The following PDE1B variants were observed in gnomAD, a reference collection of about 807,000 sequenced individuals.
PDE1B encodes the protein phosphodiesterase 1B.
Under a neutral mutation model 66.7 loss-of-function variants are expected in PDE1B, and 13 were observed. The observed-to-expected ratio is 0.19, with a 90% confidence interval of 0.13 to 0.31. The LOEUF (loss-of-function observed/expected upper bound fraction) is 0.31. PDE1B is among the 10% of genes least tolerant of loss of function. The probability of loss-of-function intolerance (pLI) is 1.00; values close to 1 mark genes in which losing one functional copy is unlikely to be tolerated. For synonymous variants in PDE1B, 230 were observed against 253.9 expected (o/e 0.91, Z 0.90); for missense variants, 485 against 682.3 (o/e 0.71, Z 3.22).
In PDE1B at chr12:54,575,644, C is replaced by G; in HGVS notation, c.1267+12C>G. On this transcript the variant is annotated intron_variant, in intron 12 of 15. Coordinates refer to ENST00000243052, the MANE Select transcript of PDE1B (RefSeq NM_000924.4). This position sits in a 1 kb window ranked among gnomAD's most constrained non-coding sequence, Gnocchi z 4.0. Reference sequence around the variant, plus strand: ...ACAGTCTCAGATAGGTGAGTGTCCTCTCCTGCAGGAAGGGGAGGACTGGGA... The same window carrying G: ...ACAGTCTCAGATAGGTGAGTGTCCTGTCCTGCAGGAAGGGGAGGACTGGGA... The G allele has an allele frequency of 6.3e-7, 1 of 1,583,240 alleles. No individual in the cohort carries two copies. The highest frequency in any genetic ancestry group is 8.7e-7 in the Non-Finnish European group (1 of 1,153,878).
At chr12:54,576,306 T>C (rs1957744337) in intron 13 of PDE1B, 4 of 603,700 alleles carry the variant, frequency 6.6e-6, no homozygotes, top group Non-Finnish European at 8.8e-6. Context: ...TTCACCATAT[T>C]TTTGTTTCTT....
At chr12:54,559,961 C>A (rs762513549) in intron 2 of PDE1B, among the ~76,000 whole-genome samples, 1 of 152,178 alleles carries the variant, frequency 6.6e-6, no homozygotes, top group Non-Finnish European at 1.5e-5. Flanking sequence ...CATTCAGGGT[C>A]TCTGACACTG....
At position 54,567,231 on chromosome 12, in the gene PDE1B, G is replaced by A. The variant is rs1051562217; in HGVS notation, c.227+144G>A. 3.6e-5 allele frequency: 18 copies of A among 504,004 alleles called. 1 individual carries two copies. Among genetic ancestry groups the A allele is most frequent in the Middle Eastern group, 6.0e-4 (2 of 3,310 alleles). 31.2% of individuals were successfully genotyped at this position (504,004 alleles called of 1,614,324 possible). On this transcript the variant is annotated intron_variant, in intron 3 of 15. Transcript: ENST00000243052. ...GTGGACCAGATATAAAGAGCTCTAG[G>A]TAGTGGCTCACACCTGTAATCCTAG...
At chr12:54,565,035 A>T (rs1212782857) in intron 2 of PDE1B, among the ~76,000 whole-genome samples, 4 of 152,254 alleles carry the variant, frequency 2.6e-5, no homozygotes, top group Admixed American at 6.5e-5. Flanking sequence ...TTAAAAATGT[A>T]GAACTGGCAG....
In PDE1B at chr12:54,569,105, G is replaced by T; in HGVS notation, c.228-79G>T. 6.7e-7 allele frequency: 1 copy of T among 1,495,634 alleles called. No homozygotes were observed. The highest frequency in any genetic ancestry group is 8.9e-7 in the Non-Finnish European group (1 of 1,121,774). 92.6% of individuals were successfully genotyped at this position (1,495,634 alleles called of 1,614,324 possible). On this transcript the variant is annotated intron_variant, in intron 3 of 15. Transcript: ENST00000243052. The surrounding 1 kb of genome is among the most constrained non-coding windows in gnomAD (Gnocchi z 4.4). ...CTGGCATGAGAGTTACTAAATGTGG[G>T]GTATGGCTGGGTACAGGGTCTCTAG...
chr12:54,550,910 A>G (rs1036470985), intron 2 of PDE1B, among the ~76,000 whole-genome samples: 2 of 152,194 alleles, frequency 1.3e-5, no homozygotes, highest in African/African-American at 4.8e-5. Context: ...GCCATGCACC[A>G]TGTTTATCTC....
At position 54,573,601 on chromosome 12, in the gene PDE1B, C is replaced by A; in HGVS notation, c.963-7C>A. ...GACTGATTGCTTCTCTTTTTATGTC[C>A]GCTCAGAGAACTCCGAGCCCTGGTC... is the stretch of plus-strand genomic sequence containing the variant. On this transcript the variant is annotated splice_polypyrimidine_tract_variant and splice_region_variant and intron_variant, in intron 9 of 15. Coordinates refer to ENST00000243052, the MANE Select transcript of PDE1B (RefSeq NM_000924.4). This position sits in a 1 kb window ranked among gnomAD's most constrained non-coding sequence, Gnocchi z 5.2. The A allele has an allele frequency of 6.2e-7, 1 of 1,613,002 alleles. No homozygotes were observed. The highest frequency in any genetic ancestry group is 8.5e-7 in the Non-Finnish European group (1 of 1,178,980).
intron 2 of PDE1B, among the ~76,000 whole-genome samples, chr12:54,551,796 C>A (rs527878658): frequency 6.6e-6 from 1 of 152,120 alleles, no homozygotes; most frequent in Non-Finnish European, 1.5e-5. Context: ...AGGCATGAAA[C>A]CTGGGAAGAG....
chr12:54,553,094 A>G (rs566009453), intron 2 of PDE1B, among the ~76,000 whole-genome samples: 20 of 152,306 alleles, frequency 1.3e-4, no homozygotes, highest in African/African-American at 4.3e-4. Context: ...CCCTCTTCCT[A>G]CAGAGCTTGT....
At position 54,569,063 on chromosome 12, in the gene PDE1B, G is replaced by T; in HGVS notation, c.228-121G>T. 6.9e-7 allele frequency: 1 copy of T among 1,450,870 alleles called. No homozygotes were observed. Among genetic ancestry groups the T allele is most frequent in the South Asian group, 1.6e-5 (1 of 61,376 alleles). The allele number at this position is 1,450,870 out of a possible 1,614,324, so 89.9% of individuals were successfully genotyped here. The stretch of plus-strand genomic sequence containing the variant: ...AAGATATAGAGAAAGAAAGGAAACA[G>T]GGTTGAAGACAGAGAGCTGGCATGA... On this transcript the variant is annotated intron_variant, in intron 3 of 15. Coordinates refer to ENST00000243052, the MANE Select transcript of PDE1B (RefSeq NM_000924.4). The surrounding 1 kb of genome is among the most constrained non-coding windows in gnomAD (Gnocchi z 4.4).
intron 2 of PDE1B, among the ~76,000 whole-genome samples, chr12:54,559,268 C>T (rs573555994): frequency 0.013 from 2,016 of 149,596 alleles, 44 homozygotes; most frequent in African/African-American, 0.048. Context: ...ACCCCCACCC[C>T]TTTTCTCTTA....
At chr12:54,576,545 G>A in intron 13 of PDE1B, 26 bp from the exon 14 acceptor site, 1 of 1,613,876 alleles carries the variant, frequency 6.2e-7, no homozygotes, top group Non-Finnish European at 8.5e-7. Context: ...CTTACCTCTT[G>A]CGGCTTTTGG....
chr12:54,576,107 G>T lies in PDE1B; in HGVS notation c.1376+7G>T. The T allele has an allele frequency of 6.5e-7, 1 of 1,549,824 alleles. No homozygotes were observed. Among genetic ancestry groups the T allele is most frequent in the South Asian group, 1.1e-5 (1 of 89,868 alleles). ...AGTCTAAAAACCAGCCCAGGTGAGG[G>T]TGGCTGGGGTAGCCAGATATCTTGG... is the stretch of plus-strand genomic sequence containing the variant. On this transcript the variant is annotated splice_region_variant and intron_variant, in intron 13 of 15. Coordinates refer to ENST00000243052, the MANE Select transcript of PDE1B (RefSeq NM_000924.4).
At position 54,576,619 on chromosome 12, in the gene PDE1B, C is replaced by T; in HGVS notation, c.1425C>T (p.Asn475=). The part of the protein sequence containing the change: ...PSLDVEVGDP[N]PDVVSFRSTW... ...TGGATGTGGAAGTGGGAGACCCCAACCCTGATGTGGTCAGCTTTCGTTCCA... is the reference window on the plus strand; with the variant it reads ...TGGATGTGGAAGTGGGAGACCCCAATCCTGATGTGGTCAGCTTTCGTTCCA... The change falls in exon 14 of 16, where the codon AAC becomes AAT. Residue 475 remains asparagine (N), a synonymous_variant. Transcript: ENST00000243052. 6.2e-7 allele frequency: 1 copy of T among 1,614,006 alleles called. No individual in the cohort carries two copies. Among genetic ancestry groups the T allele is most frequent in the Non-Finnish European group, 8.5e-7 (1 of 1,179,978 alleles).
At position 54,569,494 on chromosome 12, in the gene PDE1B, C is replaced by A; in HGVS notation, c.411-52C>A. 1 of 1,587,472 alleles carries A rather than the reference C, an allele frequency of 6.3e-7. No individual in the cohort carries two copies. Among genetic ancestry groups the A allele is most frequent in the Non-Finnish European group, 8.7e-7 (1 of 1,155,970 alleles). On this transcript the variant is annotated intron_variant, in intron 4 of 15. Transcript: ENST00000243052. The surrounding 1 kb of genome is among the most constrained non-coding windows in gnomAD (Gnocchi z 4.4). ...ATCCCCACATCCCCAGCTGGCCACA[C>A]CTCCACTCCCAGACCTTCATATGTG...
Position 54,569,441 on chromosome 12 carries a change from G to A in PDE1B, c.410+75G>A. ...TTTCCCAGCCACCCTGGTCTTCCAT[G>A]ACCACCAGCCATATGATCCCATGGC... On this transcript the variant is annotated intron_variant, in intron 4 of 15. Coordinates refer to ENST00000243052, the MANE Select transcript of PDE1B (RefSeq NM_000924.4). This position sits in a 1 kb window ranked among gnomAD's most constrained non-coding sequence, Gnocchi z 4.4. 9.4e-6 allele frequency: 15 copies of A among 1,590,760 alleles called. 1 individual carries two copies. The South Asian group carries it at 1.5e-4, about 16-fold the overall frequency.
chr12:54,573,548 TGGACCTCCTGCC>T lies in PDE1B; in HGVS notation c.963-59_963-48del. 2 of 1,612,128 alleles carry T rather than the reference TGGACCTCCTGCC, an allele frequency of 1.2e-6. No homozygotes were observed. The highest frequency in any genetic ancestry group is 2.2e-5 in the South Asian group (2 of 91,022). ...ACCACAAACTCCATTTTCCACTTCC[TGGACCTCCTGCC>T]CAGCAGCGCTGAGGGGACTGATTGC... is the stretch of plus-strand genomic sequence containing the variant. On this transcript the variant is annotated intron_variant, in intron 9 of 15. Coordinates refer to ENST00000243052, the MANE Select transcript of PDE1B (RefSeq NM_000924.4). The surrounding 1 kb of genome is among the most constrained non-coding windows in gnomAD (Gnocchi z 5.2).
chr12:54,560,569 G>C (rs1384947495), intron 2 of PDE1B, among the ~76,000 whole-genome samples: 1 of 152,136 alleles, frequency 6.6e-6, no homozygotes, highest in Non-Finnish European at 1.5e-5. Flanking sequence ...TGTATTGGTG[G>C]CGACATCTCC....
Position 54,569,593 on chromosome 12 carries a change from C to A in PDE1B, c.458C>A (p.Ala153Glu). The A allele has an allele frequency of 8.7e-6, 14 of 1,612,654 alleles. No individual in the cohort carries two copies. Among genetic ancestry groups the A allele is most frequent in the Non-Finnish European group, 1.2e-5 (14 of 1,178,742 alleles). ...TCTGTGGGCCCCACTTACTCTACTGCGGTTCTCAACTGTCTCAAGGTAATC... is the reference window on the plus strand; with the variant it reads ...TCTGTGGGCCCCACTTACTCTACTGAGGTTCTCAACTGTCTCAAGGTAATC... ...YTSVGPTYST[A>E]VLNCLKNLDL... Residue 153 changes from alanine to glutamate, a missense_variant, in exon 5 of 16, where the codon GCG (alanine) becomes GAG (glutamate). Ala to Glu is a moderately radical substitution (Grantham distance 107, BLOSUM62 -1). Around this residue, in one of 4 missense-constraint regions of PDE1B, gnomAD observed 282 missense variants for 453.4 expected, o/e 0.62. Transcript: ENST00000243052. The surrounding 1 kb of genome is among the most constrained non-coding windows in gnomAD (Gnocchi z 4.4).
Sources: allele counts gnomAD v4.1 joint callset (sites outside exome capture counted in the v4.1 genomes callset), GRCh38; gene constraint gnomAD v4.1.1; regional missense constraint gnomAD v4.1.1; non-coding constraint Gnocchi (gnomAD v3.1); transcripts MANE v1.5; gene names NCBI Gene and HGNC (gene_info 2026-07-23, HGNC 2026-07-21).